The following SNX6 variants were observed in gnomAD, a reference collection of about 807,000 sequenced individuals.
SNX6 encodes sorting nexin-6.
SNX6 carries 34 observed loss-of-function variants against 63.0 expected under a neutral mutation model. The observed-to-expected ratio is 0.54, with a 90% confidence interval of 0.41 to 0.72. The LOEUF is 0.72. Ranked by LOEUF, SNX6 falls within the 30% of genes least tolerant of loss-of-function variation. The pLI is 0.00. For missense variants in SNX6, 398 were observed against 471.4 expected (o/e 0.84, Z 1.44); for synonymous variants, 170 against 164.2 (o/e 1.04, Z -0.27).
At chr14:34,563,887 T>G (rs1881049030) in intron 13 of SNX6, among the ~76,000 whole-genome samples, 1 of 152,152 alleles carries the variant, frequency 6.6e-6, no homozygotes, top group South Asian at 2.1e-4. Context: ...TACAGGTGTC[T>G]GCCACCATGC....
At chr14:34,568,725 G>A (rs767673118) in intron 11 of SNX6, 34 of 886,700 alleles carry the variant, frequency 3.8e-5, no homozygotes, top group East Asian at 9.8e-5. Flanking sequence ...CCTGTCCAGC[G>A]ATTCTGTCCA....
chr14:34,612,455 T>TG (rs1883268188), intron 2 of SNX6, among the ~76,000 whole-genome samples: 1 of 149,494 alleles, frequency 6.7e-6, no homozygotes, highest in African/African-American at 2.4e-5. Context: ...TTTTTTGAGA[T>TG]GGAGTCTCAC....
rs1187711153 is a variant in SNX6, at chr14:34,608,042, A to G, written c.258T>C (p.Tyr86=). The change falls in exon 4 of 14, where the codon TAT becomes TAC. Residue 86 remains tyrosine, a synonymous_variant. Transcript: ENST00000362031. ...LHDSFVENED[Y]AGYIIPPAPP... ...TCTCAATACTTACGATATAACCTGC[A>G]TAGTCTTCATTTTCAACAAAGGAAT... 1.3e-6 allele frequency: 2 copies of G among 1,579,824 alleles called. No individual in the cohort carries two copies. The highest frequency in any genetic ancestry group is 1.3e-5 in the African/African-American group (1 of 74,132).
intron 2 of SNX6, among the ~76,000 whole-genome samples, chr14:34,623,355 G>A (rs1291072125): frequency 6.6e-6 from 1 of 152,062 alleles, no homozygotes; most frequent in Non-Finnish European, 1.5e-5. Flanking sequence ...ACTAGAATAT[G>A]GGGGAGGGGA....
At chr14:34,598,662 C>A (rs142432982) in intron 6 of SNX6, among the ~76,000 whole-genome samples, 4 of 152,202 alleles carry the variant, frequency 2.6e-5, no homozygotes, top group Non-Finnish European at 5.9e-5. Flanking sequence ...GGATTACAGG[C>A]ATGAGCCATC....
At chr14:34,590,681 T>TG (rs1187742293) in intron 8 of SNX6, among the ~76,000 whole-genome samples, 1 of 152,000 alleles carries the variant, frequency 6.6e-6, no homozygotes, top group East Asian at 1.9e-4. Context: ...ACAACCATTG[T>TG]GGAAAAAAAA....
chr14:34,597,146 T>A (rs1882637652), intron 7 of SNX6, among the ~76,000 whole-genome samples: 1 of 152,218 alleles, frequency 6.6e-6, no homozygotes, highest in Admixed American at 6.6e-5. Context: ...CATTGCACAC[T>A]GTCCCTCCCC....
chr14:34,587,892 C>G (rs1882241269), intron 8 of SNX6, among the ~76,000 whole-genome samples: 1 of 149,464 alleles, frequency 6.7e-6, no homozygotes, highest in Admixed American at 6.7e-5. Context: ...CTCACTGCAA[C>G]CTCCACCACC....
chr14:34,585,607 T>C (rs1349259568), intron 9 of SNX6, among the ~76,000 whole-genome samples: 1 of 152,178 alleles, frequency 6.6e-6, no homozygotes, highest in Non-Finnish European at 1.5e-5. Flanking sequence ...ATATTTCATA[T>C]ATATTTTTTG....
At chr14:34,569,805 G>A (rs1237963137) in intron 11 of SNX6, among the ~76,000 whole-genome samples, 1 of 152,086 alleles carries the variant, frequency 6.6e-6, no homozygotes, top group Non-Finnish European at 1.5e-5. Context: ...TAGGCATTTG[G>A]TTTATTACCA....
Position 34,603,432 on chromosome 14 carries a change from A to G in SNX6, c.432T>C (p.His144=). The G allele has an allele frequency of 1.2e-6, 2 of 1,606,432 alleles. No individual in the cohort carries two copies. Among genetic ancestry groups the G allele is most frequent in the East Asian group, 4.5e-5 (2 of 44,606 alleles). The change falls in exon 6 of 14, where the codon CAT becomes CAC. Residue 144 remains histidine (H), a synonymous_variant. Coordinates refer to ENST00000362031, the MANE Select transcript of SNX6 (RefSeq NM_152233.4). The part of the protein sequence containing the change: ...LAIFKKTVAM[H]EVFLCRVAAH... Reference sequence around the variant, plus strand: ...CTGCCACACGACACAGGAACACTTCATGCATCGCAACTGTCTTCTTGAATA... The same window carrying G: ...CTGCCACACGACACAGGAACACTTCGTGCATCGCAACTGTCTTCTTGAATA...
chr14:34,594,633 A>G (rs2078781288), intron 7 of SNX6, among the ~76,000 whole-genome samples: 1 of 152,126 alleles, frequency 6.6e-6, no homozygotes, highest in South Asian at 2.1e-4. Flanking sequence ...AAGTGTTAGG[A>G]TTACAGGAGT....
intron 2 of SNX6, 185 bp downstream of exon 2, chr14:34,629,722 G>T (rs771495717): frequency 2.0e-6 from 2 of 1,001,558 alleles, no homozygotes; most frequent in Non-Finnish European, 3.0e-6. Context: ...GGGAATCGGA[G>T]CCGAGCGGCC....
At position 34,593,056 on chromosome 14, in the gene SNX6, C is replaced by T; in HGVS notation, c.707G>A (p.Arg236Lys). The T allele has an allele frequency of 6.3e-7, 1 of 1,593,810 alleles. No individual in the cohort carries two copies. Among genetic ancestry groups the T allele is most frequent in the Non-Finnish European group, 8.5e-7 (1 of 1,171,126 alleles). The change falls in exon 8 of 14, where the codon AGA becomes AAA. Residue 236 changes from arginine to lysine, a missense_variant. Arg to Lys is a conservative substitution (Grantham distance 26). Transcript: ENST00000362031. Reference sequence around the variant, plus strand: ...CAGAAAAATCTTACTTTTGTGGGATCTTGTCATTCTATCAGATTTAGCAGA... The same window carrying T: ...CAGAAAAATCTTACTTTTGTGGGATTTTGTCATTCTATCAGATTTAGCAGA... ...DASAKSDRMT[R>K]SHKSAADDYN... is the part of the protein sequence containing the mutation.
At chr14:34,592,891 C>T (rs1395169774) in intron 8 of SNX6, among the ~76,000 whole-genome samples, 154 bp downstream of exon 8, 1 of 152,272 alleles carries the variant, frequency 6.6e-6, no homozygotes, top group East Asian at 1.9e-4. Context: ...ATAGTTTTGA[C>T]CTCACAGGCT....
chr14:34,617,738 G>T (rs1177554891), intron 2 of SNX6, among the ~76,000 whole-genome samples: 4 of 151,762 alleles, frequency 2.6e-5, no homozygotes, highest in African/African-American at 9.7e-5. Flanking sequence ...TGGCTAACAC[G>T]GTGAAACCCC....
intron 2 of SNX6, among the ~76,000 whole-genome samples, chr14:34,627,133 C>T (rs1055072381): frequency 2.0e-5 from 3 of 152,014 alleles, no homozygotes; most frequent in Non-Finnish European, 1.5e-5. Context: ...GTATATACCA[C>T]CAAGCTTGCC....
chr14:34,611,273 C>CT (rs1173121086), intron 2 of SNX6, among the ~76,000 whole-genome samples: 1 of 149,746 alleles, frequency 6.7e-6, no homozygotes, highest in African/African-American at 2.4e-5. Flanking sequence ...GCTCAGGAAT[C>CT]TGAGACTAGC....
At chr14:34,618,129 C>T (rs1451557620) in intron 2 of SNX6, among the ~76,000 whole-genome samples, 1 of 152,168 alleles carries the variant, frequency 6.6e-6, no homozygotes, top group East Asian at 1.9e-4. Flanking sequence ...AGTCTCCCAA[C>T]TGATCTCTTA....
Sources: gnomAD v4.1 joint callset for allele counts (sites outside exome capture counted in the v4.1 genomes callset) on GRCh38, gnomAD v4.1.1 for gene constraint, MANE v1.5 for transcripts, NCBI Gene and HGNC (gene_info 2026-07-23, HGNC 2026-07-21) for gene names.